MRTFB: variants seen among roughly 807,000 people sequenced by gnomAD.
MRTFB encodes myocardin related transcription factor B.
In MRTFB, 29 loss-of-function variants were observed where a neutral mutation model predicts 104.2. The observed-to-expected ratio is 0.28, with a 90% CI of 0.21 to 0.38. The LOEUF is 0.38. Among genes scored for constraint, MRTFB ranks in the 10% least tolerant of loss-of-function variants. The pLI, the probability that MRTFB is intolerant of heterozygous loss-of-function variation, is 1.00. For synonymous variants in MRTFB, 535 were observed against 519.5 expected, an observed-to-expected ratio of 1.03 and a Z score of -0.41; for missense variants, 1,270 against 1,341.6, an observed-to-expected ratio of 0.95 and a Z score of 0.83.
chr16:14,137,246 G>A (rs1448642814), intron 2 of MRTFB, among the ~76,000 whole-genome samples: 2 of 152,110 alleles, frequency 1.3e-5, no homozygotes, highest in African/African-American at 4.8e-5. Context: ...AAATGTTCAT[G>A]AATATTAAGT....
intron 15 of MRTFB, among the ~76,000 whole-genome samples, chr16:14,256,125 GAAAGAA>G (rs2043472707): frequency 3.3e-5 from 3 of 91,670 alleles, no homozygotes; most frequent in African/African-American, 1.7e-4. Flanking sequence ...AAAAAAAAAA[GAAAGAA>G]AGAAAAATTA....
At chr16:14,003,176 C>G in the MRTFB span, among the ~76,000 whole-genome samples, 2 of 152,150 alleles carry the variant, frequency 1.3e-5, no homozygotes, top group African/African-American at 4.8e-5. Context: ...AATGGCCCTC[C>G]CTTGCAGAGG....
rs2043911615 is a variant in MRTFB at position 14,265,364 on chromosome 16, A to T, written c.*3920A>T. ...GAGGCCACAGAATTAGCCCAAAATTATCAAAGAACATTAACTGGAAGGTCA... is the reference window on the plus strand; with the variant it reads ...GAGGCCACAGAATTAGCCCAAAATTTTCAAAGAACATTAACTGGAAGGTCA... On this transcript the variant is annotated 3_prime_UTR_variant, in exon 17 of 17. Coordinates refer to ENST00000571589, the MANE Select transcript of MRTFB (RefSeq NM_001308142.2). 6.6e-6 allele frequency: 1 copy of T among 152,242 alleles called. No homozygotes were observed. Among genetic ancestry groups the T allele is most frequent in the African/African-American group, 2.4e-5 (1 of 41,464 alleles). The allele number at this position is 152,242 out of a possible 1,614,324, so 9.4% of individuals were successfully genotyped here. A position where few individuals can be genotyped will look rare whatever the true frequency, so the allele number is the denominator to read the frequency against.
chr16:14,036,191 CATTATATATAATAT>C, the MRTFB span, among the ~76,000 whole-genome samples: 1 of 112,518 alleles, frequency 8.9e-6, no homozygotes, highest in East Asian at 2.3e-4. Context: ...ATATAAAATA[CATTATATATAATAT>C]ATTATATAAA....
the MRTFB span, among the ~76,000 whole-genome samples, chr16:14,011,699 C>G: frequency 9.9e-5 from 15 of 152,074 alleles, no homozygotes; most frequent in African/African-American, 3.6e-4. Flanking sequence ...TGGTGAAACC[C>G]CGTCTCTACT....
intron 3 of MRTFB, among the ~76,000 whole-genome samples, chr16:14,147,640 G>C (rs1210483717): frequency 6.6e-6 from 1 of 152,184 alleles, no homozygotes; most frequent in Non-Finnish European, 1.5e-5. Flanking sequence ...CCCGTTTGTA[G>C]CTGGCAGTGA....
chr16:14,190,373 G>A (rs2040126029), intron 3 of MRTFB, among the ~76,000 whole-genome samples: 1 of 152,134 alleles, frequency 6.6e-6, no homozygotes, highest in Non-Finnish European at 1.5e-5. Context: ...GCTAAGAAGA[G>A]TATTACAAAC....
the MRTFB span, among the ~76,000 whole-genome samples, chr16:14,036,202 A>C: frequency 8.0e-6 from 1 of 125,548 alleles, no homozygotes; most frequent in Non-Finnish European, 1.6e-5. Context: ...ATTATATATA[A>C]TATATTATAT....
At chr16:14,227,432 G>A (rs914845831) in intron 8 of MRTFB, among the ~76,000 whole-genome samples, 1 of 152,166 alleles carries the variant, frequency 6.6e-6, no homozygotes, top group African/African-American at 2.4e-5. Flanking sequence ...AGATGCACAT[G>A]CTGGTGCCAC....
chr16:14,047,560 G>C, the MRTFB span, among the ~76,000 whole-genome samples: 1 of 152,278 alleles, frequency 6.6e-6, no homozygotes, highest in Admixed American at 6.5e-5. Flanking sequence ...AGGTTTAATG[G>C]ACTCACAGTT....
At chr16:14,172,566 C>T (rs1222085471) in intron 3 of MRTFB, among the ~76,000 whole-genome samples, 4 of 151,984 alleles carry the variant, frequency 2.6e-5, no homozygotes, top group Non-Finnish European at 4.4e-5. Context: ...GTTGCTGGGT[C>T]AAAAGAAAAA....
At chr16:14,052,074 C>A in the MRTFB span, among the ~76,000 whole-genome samples, 1 of 152,090 alleles carries the variant, frequency 6.6e-6, no homozygotes, top group South Asian at 2.1e-4. Flanking sequence ...CGCCACCCAC[C>A]CTTACACAAG....
In MRTFB at chr16:14,257,415, T is replaced by G. The variant is rs1014235209; in HGVS notation, c.2704-686T>G. The stretch of plus-strand genomic sequence containing the variant: ...GCAATGCTACTCAGCAATAAAAAAA[T>G]TAACTGTTCCTGAGGTACACACTGT... On this transcript the variant is annotated intron_variant, in intron 15 of 16. Transcript: ENST00000571589. 5.3e-5 allele frequency among the ~76,000 whole-genome samples: 8 copies of G among 152,122 alleles called. No homozygotes were observed. In the East Asian group the frequency reaches 1.4e-3, roughly 26 times the overall value.
intron 3 of MRTFB, among the ~76,000 whole-genome samples, chr16:14,176,491 T>C (rs1024238933): frequency 6.6e-6 from 1 of 152,206 alleles, no homozygotes; most frequent in Non-Finnish European, 1.5e-5. Context: ...TTTTCTCAGT[T>C]CTCCCAAGAA....
chr16:14,066,255 G>T, the MRTFB span, among the ~76,000 whole-genome samples: 2 of 150,136 alleles, frequency 1.3e-5, no homozygotes, highest in Non-Finnish European at 3.0e-5. Context: ...TATTTTTATT[G>T]ATTTTTTTAT....
intron 1 of MRTFB, among the ~76,000 whole-genome samples, chr16:14,074,161 G>A (rs763813755): frequency 1.3e-5 from 2 of 152,022 alleles, no homozygotes; most frequent in Non-Finnish European, 2.9e-5. Flanking sequence ...CAGACATGTA[G>A]GTAATGACTG....
At chr16:14,044,216 C>T in the MRTFB span, among the ~76,000 whole-genome samples, 1 of 152,148 alleles carries the variant, frequency 6.6e-6, no homozygotes, top group East Asian at 1.9e-4. Context: ...ATGATCCTCA[C>T]CTAGGTTCTC....
intron 3 of MRTFB, among the ~76,000 whole-genome samples, chr16:14,206,257 T>C (rs2040935628): frequency 6.6e-6 from 1 of 152,194 alleles, no homozygotes; most frequent in African/African-American, 2.4e-5. Flanking sequence ...TCCTCAGTCG[T>C]GGATAAGCAC....
At chr16:14,026,611 C>G in the MRTFB span, among the ~76,000 whole-genome samples, 1 of 152,168 alleles carries the variant, frequency 6.6e-6, no homozygotes, top group Admixed American at 6.5e-5. Flanking sequence ...GATGGAAAGA[C>G]AGGCACAGAT....
Sources: gnomAD v4.1 joint callset for allele counts (sites outside exome capture counted in the v4.1 genomes callset) on GRCh38, gnomAD v4.1.1 for gene constraint, MANE v1.5 for transcripts, NCBI Gene and HGNC (gene_info 2026-07-23, HGNC 2026-07-21) for gene names.